FRMD5: variants seen among roughly 807,000 people sequenced by gnomAD.
FRMD5 encodes the protein FERM domain containing 5, also known as FERM domain-containing protein 5.
FRMD5 carries 20 observed loss-of-function variants against 69.0 expected under a neutral mutation model. The ratio of observed to expected loss-of-function variants is 0.29; its 90% CI spans 0.20 to 0.42. The LOEUF (loss-of-function observed/expected upper bound fraction) is 0.42. FRMD5 is among the 10% of genes least tolerant of loss of function. FRMD5 has a pLI of 1.00. For synonymous variants in FRMD5, 271 were observed against 260.1 expected (o/e 1.04, Z -0.40); for missense variants, 595 against 708.6 (o/e 0.84, Z 1.82).
chr15:44,023,463 C>T (rs1891299815), intron 1 of FRMD5, among the ~76,000 whole-genome samples: 1 of 152,176 alleles, frequency 6.6e-6, no homozygotes, highest in African/African-American at 2.4e-5. Flanking sequence ...CAGAACATTA[C>T]AAAGCACCTT....
chr15:44,026,147 G>A (rs1891419989), intron 1 of FRMD5, among the ~76,000 whole-genome samples: 1 of 152,022 alleles, frequency 6.6e-6, no homozygotes, highest in South Asian at 2.1e-4. Context: ...CTGGCTCATT[G>A]TTTTTGTATT....
intron 1 of FRMD5, among the ~76,000 whole-genome samples, chr15:44,178,460 T>C (rs574992596): frequency 5.3e-4 from 80 of 152,332 alleles, no homozygotes; most frequent in Non-Finnish European, 1.1e-3. Context: ...CTGAGTTCTA[T>C]AACTAAGAGG....
At chr15:44,131,930 C>T (rs776324211) in intron 1 of FRMD5, among the ~76,000 whole-genome samples, 1 of 152,102 alleles carries the variant, frequency 6.6e-6, no homozygotes, top group Non-Finnish European at 1.5e-5. Flanking sequence ...ATTTATTGTG[C>T]ACTTTATTTC....
chr15:44,108,758 G>A (rs1157454057), intron 1 of FRMD5, among the ~76,000 whole-genome samples: 4 of 152,160 alleles, frequency 2.6e-5, no homozygotes, highest in African/African-American at 7.2e-5. Flanking sequence ...GAAGCTAGGA[G>A]TTGGAGACCA....
At chr15:43,948,613 A>G (rs1425713571) in intron 1 of FRMD5, among the ~76,000 whole-genome samples, 3 of 152,212 alleles carry the variant, frequency 2.0e-5, no homozygotes, top group African/African-American at 7.2e-5. Flanking sequence ...TAAGGAGGGC[A>G]TATTTTTTTC....
chr15:43,912,240 A>T (rs1051380920), intron 4 of FRMD5, among the ~76,000 whole-genome samples: 2 of 152,190 alleles, frequency 1.3e-5, no homozygotes, highest in Admixed American at 1.3e-4. Flanking sequence ...CTGGAAGTTA[A>T]TAAGAACCCA....
intron 7 of FRMD5, among the ~76,000 whole-genome samples, chr15:43,901,394 T>C (rs1003812154): frequency 1.3e-5 from 2 of 152,356 alleles, no homozygotes; most frequent in Middle Eastern, 3.4e-3. Context: ...AAAAGGTTGA[T>C]GTCTTCCTGT....
chr15:43,950,761 A>G (rs1480930066), intron 1 of FRMD5, among the ~76,000 whole-genome samples: 2 of 152,184 alleles, frequency 1.3e-5, no homozygotes, highest in African/African-American at 4.8e-5. Context: ...CCAGATTCTA[A>G]AATGGTTTAC....
intron 1 of FRMD5, among the ~76,000 whole-genome samples, chr15:44,003,971 C>A (rs925467834): frequency 2.6e-5 from 4 of 152,176 alleles, no homozygotes; most frequent in Admixed American, 2.0e-4. Flanking sequence ...AGACACTCAA[C>A]AAATATTTGC....
intron 1 of FRMD5, among the ~76,000 whole-genome samples, chr15:44,102,767 C>G (rs1199562424): frequency 1.3e-5 from 2 of 152,214 alleles, no homozygotes; most frequent in African/African-American, 2.4e-5. Flanking sequence ...GACCTAAGGT[C>G]TCACTGACTC....
At chr15:43,891,332 GTGGCT>G (rs2088788541) in intron 8 of FRMD5, among the ~76,000 whole-genome samples, 1 of 152,168 alleles carries the variant, frequency 6.6e-6, no homozygotes, top group African/African-American at 2.4e-5. Flanking sequence ...AGCTGAGGCA[GTGGCT>G]CTTGCCTGTT....
At chr15:44,049,545 A>G (rs1327993940) in intron 1 of FRMD5, among the ~76,000 whole-genome samples, 1 of 152,208 alleles carries the variant, frequency 6.6e-6, no homozygotes, top group East Asian at 1.9e-4. Flanking sequence ...AAAGTGACAT[A>G]ATCAAATTAA....
intron 1 of FRMD5, among the ~76,000 whole-genome samples, chr15:44,099,256 T>C (rs1420250795): frequency 6.6e-6 from 1 of 152,212 alleles, no homozygotes; most frequent in Non-Finnish European, 1.5e-5. Context: ...TTAACATGCA[T>C]GCAAACCACC....
rs188307973 is a variant in FRMD5, at chr15:43,986,491, G to A, written c.103-62182C>T. Among the ~76,000 whole-genome samples, 667 of 152,272 alleles carry A rather than the reference G, an allele frequency of 4.4e-3. 5 individuals are homozygous for A. The highest frequency in any genetic ancestry group is 6.8e-3 in the Admixed American group (104 of 15,294). On this transcript the variant is annotated intron_variant, in intron 1 of 13. Transcript: ENST00000417257. ...TGTAAATGAGGAAAGTGGTTGTGAC[G>A]AAACGTATGAAGATGTCCCAGAGGA...
chr15:43,942,930 T>C (rs1839546721), intron 1 of FRMD5, among the ~76,000 whole-genome samples: 2 of 152,176 alleles, frequency 1.3e-5, no homozygotes, highest in South Asian at 4.1e-4. Flanking sequence ...CAGCTAATTA[T>C]TGTATTTTTT....
intron 1 of FRMD5, among the ~76,000 whole-genome samples, chr15:44,054,455 A>G (rs967780469): frequency 6.6e-6 from 1 of 152,208 alleles, no homozygotes; most frequent in Non-Finnish European, 1.5e-5. Context: ...AACAAATAAC[A>G]TCTTGATTAT....
At chr15:43,915,067 C>T (rs534595260) in intron 4 of FRMD5, among the ~76,000 whole-genome samples, 1 of 152,278 alleles carries the variant, frequency 6.6e-6, no homozygotes, top group African/African-American at 2.4e-5. Flanking sequence ...GATGAAGAGA[C>T]TGAGTGCTTA....
At chr15:43,921,896 C>T (rs1425461704) in intron 2 of FRMD5, among the ~76,000 whole-genome samples, 1 of 152,146 alleles carries the variant, frequency 6.6e-6, no homozygotes, top group Non-Finnish European at 1.5e-5. Flanking sequence ...GAGGCTCCTG[C>T]AGAGCAAGGA....
chr15:44,000,328 T>G (rs997754511), intron 1 of FRMD5, among the ~76,000 whole-genome samples: 5 of 152,108 alleles, frequency 3.3e-5, no homozygotes, highest in Admixed American at 6.5e-5. Context: ...AATGAACACT[T>G]AAAAGATTGT....
Sources: gnomAD v4.1 joint callset for allele counts (sites outside exome capture counted in the v4.1 genomes callset) on GRCh38, gnomAD v4.1.1 for gene constraint, MANE v1.5 for transcripts, NCBI Gene and HGNC (gene_info 2026-07-23, HGNC 2026-07-21) for gene names.